THADA: variants seen among roughly 807,000 people sequenced by gnomAD.
The protein encoded by THADA is tRNA (32-2'-O)-methyltransferase regulator THADA.
THADA carries 213 observed loss-of-function variants against 219.8 expected under a neutral mutation model. The ratio of observed to expected loss-of-function variants is 0.97; its 90% CI spans 0.87 to 1.09. The LOEUF (loss-of-function observed/expected upper bound fraction) is 1.09. THADA is among the 50% of genes least tolerant of loss of function. The pLI, the probability that THADA is intolerant of heterozygous loss-of-function variation, is 0.00. For synonymous variants in THADA, 1,018 were observed against 828.9 expected (o/e 1.23, Z -3.92); for missense variants, 2,956 against 2,311.3 (o/e 1.28, Z -5.72).
chr2:43,545,977 T>C (rs1181154870), intron 20 of THADA, among the ~76,000 whole-genome samples: 3 of 151,574 alleles, frequency 2.0e-5, no homozygotes, highest in Non-Finnish European at 4.4e-5. Context: ...GGGTGTCAAT[T>C]TTGGATCTTT....
At chr2:43,443,282 T>C (rs890599382) in intron 26 of THADA, among the ~76,000 whole-genome samples, 6 of 152,228 alleles carry the variant, frequency 3.9e-5, no homozygotes, top group Non-Finnish European at 8.8e-5. Context: ...AAAGGAATTA[T>C]GACCAAGATA....
At chr2:43,349,011 A>G (rs1214500183) in intron 29 of THADA, among the ~76,000 whole-genome samples, 2 of 152,168 alleles carry the variant, frequency 1.3e-5, no homozygotes, top group Non-Finnish European at 2.9e-5. Flanking sequence ...TTGTTGCCCT[A>G]AGATGGTTAT....
intron 28 of THADA, among the ~76,000 whole-genome samples, chr2:43,415,684 C>A (rs972926742): frequency 2.1e-4 from 32 of 152,218 alleles, no homozygotes; most frequent in Admixed American, 9.8e-4. Context: ...CCCAGCGACA[C>A]TAGTTCTCTT....
intron 21 of THADA, chr2:43,538,505 A>G (rs1694895424): frequency 6.6e-6 from 1 of 152,210 alleles, no homozygotes. Context: ...TAGGGAATCA[A>G]TCATTTAAGA....
At chr2:43,576,425 G>A (rs977784136) in intron 10 of THADA, among the ~76,000 whole-genome samples, 2 of 152,106 alleles carry the variant, frequency 1.3e-5, no homozygotes, top group African/African-American at 4.8e-5. Context: ...TATGGTCTCA[G>A]GTAAGCATTT....
chr2:43,439,854 G>C (rs1285938856), intron 26 of THADA, among the ~76,000 whole-genome samples: 1 of 151,976 alleles, frequency 6.6e-6, no homozygotes, highest in Non-Finnish European at 1.5e-5. Context: ...TTATTGCATT[G>C]TTATTCTTTA....
intron 21 of THADA, among the ~76,000 whole-genome samples, chr2:43,535,073 T>C (rs1250008457): frequency 6.6e-6 from 1 of 152,124 alleles, no homozygotes; most frequent in Non-Finnish European, 1.5e-5. Context: ...ATTGTGGTTT[T>C]GATTTGCATT....
intron 25 of THADA, among the ~76,000 whole-genome samples, chr2:43,493,843 T>A (rs973110266): frequency 1.3e-5 from 2 of 152,214 alleles, no homozygotes; most frequent in African/African-American, 4.8e-5. Flanking sequence ...CACCATCTTT[T>A]GGTAGAACTA....
At chr2:43,299,479 T>A (rs900741202) in intron 31 of THADA, among the ~76,000 whole-genome samples, 1 of 143,954 alleles carries the variant, frequency 6.9e-6, no homozygotes, top group African/African-American at 2.6e-5. Context: ...GCCAACATGG[T>A]GAAACCCCGT....
Position 43,556,667 on chromosome 2 carries a change from A to G in THADA, c.2464-112T>C, listed in dbSNP as rs890511444. 6 of 977,590 alleles carry G rather than the reference A, an allele frequency of 6.1e-6. No homozygotes were observed. The African/African-American group carries it at 9.9e-5, about 16-fold the overall frequency. The allele number at this position is 977,590 out of a possible 1,614,324, so 60.6% of individuals were successfully genotyped here. A position where few individuals can be genotyped will look rare whatever the true frequency, so the allele number is the denominator to read the frequency against. The stretch of plus-strand genomic sequence containing the variant: ...AGCTGAGTACAGTGGGCTCGAGCCT[A>G]GAGTCCCAGCTACTCAAGAGGCTGA... On this transcript the variant is annotated intron_variant, in intron 16 of 37. Coordinates refer to ENST00000405975, the MANE Select transcript of THADA (RefSeq NM_022065.5).
At chr2:43,338,555 TTC>T (rs1666742934) in intron 30 of THADA, among the ~76,000 whole-genome samples, 1 of 152,172 alleles carries the variant, frequency 6.6e-6, no homozygotes, top group Admixed American at 6.5e-5. Flanking sequence ...CTATTCTACT[TTC>T]TGTCTCTAGG....
At chr2:43,378,859 G>T (rs1168757382) in intron 29 of THADA, among the ~76,000 whole-genome samples, 1 of 152,120 alleles carries the variant, frequency 6.6e-6, no homozygotes, top group Non-Finnish European at 1.5e-5. Flanking sequence ...ACCTGCCCTG[G>T]CCTCCCAAAG....
At chr2:43,256,610 TAA>T (rs1670340002) in intron 36 of THADA, among the ~76,000 whole-genome samples, 2 of 141,934 alleles carry the variant, frequency 1.4e-5, no homozygotes, top group African/African-American at 5.8e-5. Flanking sequence ...AATAAATAAA[TAA>T]TTTTTTTTTT....
At chr2:43,557,924 A>G (rs1012219027) in intron 16 of THADA, among the ~76,000 whole-genome samples, 6 of 152,368 alleles carry the variant, frequency 3.9e-5, no homozygotes, top group East Asian at 3.9e-4. Flanking sequence ...TTACCATTTG[A>G]TAAGTTTATT....
intron 36 of THADA, among the ~76,000 whole-genome samples, chr2:43,235,376 C>A (rs1341388963): frequency 6.6e-6 from 1 of 152,154 alleles, no homozygotes; most frequent in Admixed American, 6.5e-5. Flanking sequence ...TCACCGCGAC[C>A]TCCGCTTCCC....
intron 36 of THADA, among the ~76,000 whole-genome samples, chr2:43,246,854 C>T (rs186731088): frequency 1.6e-3 from 239 of 152,268 alleles, no homozygotes; most frequent in African/African-American, 5.5e-3. Context: ...GGGAAATCAC[C>T]GCTGACATGG....
chr2:43,464,580 T>C (rs2104940209), intron 26 of THADA, among the ~76,000 whole-genome samples: 1 of 152,288 alleles, frequency 6.6e-6, no homozygotes, highest in South Asian at 2.1e-4. Context: ...GTTAGCAAAA[T>C]GTATCACTCT....
intron 29 of THADA, among the ~76,000 whole-genome samples, chr2:43,383,293 G>T (rs930500611): frequency 6.6e-6 from 1 of 152,292 alleles, no homozygotes; most frequent in East Asian, 1.9e-4. Flanking sequence ...AGGTGTTTTG[G>T]AGACAGTGCA....
intron 26 of THADA, among the ~76,000 whole-genome samples, chr2:43,445,740 C>T (rs927272528): frequency 4.6e-5 from 7 of 152,174 alleles, no homozygotes; most frequent in African/African-American, 9.7e-5. Flanking sequence ...GTAGCACAGT[C>T]AGAGCTCACT....
Sources: allele counts gnomAD v4.1 joint callset (sites outside exome capture counted in the v4.1 genomes callset), GRCh38; gene constraint gnomAD v4.1.1; transcripts MANE v1.5; gene names NCBI Gene and HGNC (gene_info 2026-07-23, HGNC 2026-07-21).